Variants in CFAP96 observed in about 807,000 individuals in gnomAD.
The protein encoded by CFAP96 is cilia and flagella associated protein 96.
At chr4:185,417,542 T>G in the CFAP96 span, among the ~76,000 whole-genome samples, 5 of 152,192 alleles carry the variant, frequency 3.3e-5, no homozygotes, top group African/African-American at 1.2e-4. Context: ...TTTCCATAGC[T>G]AGTGGTTTAG....
the CFAP96 span, among the ~76,000 whole-genome samples, chr4:185,433,992 A>T: frequency 6.6e-6 from 1 of 152,108 alleles, no homozygotes; most frequent in African/African-American, 2.4e-5. Flanking sequence ...GCTGAGGCGG[A>T]TGTATTGCTT....
chr4:185,416,990 TA>T, the CFAP96 span, among the ~76,000 whole-genome samples: 1 of 152,182 alleles, frequency 6.6e-6, no homozygotes, highest in South Asian at 2.1e-4. Flanking sequence ...TGATGAGGAC[TA>T]AAGTAAGATA....
the CFAP96 span, chr4:185,415,158 C>T: frequency 6.3e-7 from 1 of 1,586,306 alleles, no homozygotes. Flanking sequence ...GTTTTACCTT[C>T]CTATAGGCCT....
the CFAP96 span, among the ~76,000 whole-genome samples, chr4:185,421,991 T>G: frequency 9.2e-5 from 14 of 152,212 alleles, no homozygotes; most frequent in African/African-American, 3.4e-4. Context: ...TCCTCTGATG[T>G]TCTTTATCTC....
the CFAP96 span, among the ~76,000 whole-genome samples, chr4:185,432,632 C>G: frequency 6.6e-6 from 1 of 151,824 alleles, no homozygotes; most frequent in African/African-American, 2.4e-5. Flanking sequence ...GGAGGCCGAG[C>G]TAGGAGGAAT....
At chr4:185,409,847 G>C in the CFAP96 span, among the ~76,000 whole-genome samples, 1 of 152,212 alleles carries the variant, frequency 6.6e-6, no homozygotes, top group African/African-American at 2.4e-5. Context: ...TAATGTGACT[G>C]AGGAGGCAGA....
chr4:185,440,026 CAT>C, the CFAP96 span, among the ~76,000 whole-genome samples: 1 of 146,430 alleles, frequency 6.8e-6, no homozygotes, highest in South Asian at 2.1e-4. Flanking sequence ...CTCATATATA[CAT>C]ATAATTTTTT....
the CFAP96 span, among the ~76,000 whole-genome samples, chr4:185,428,823 G>T: frequency 6.6e-6 from 1 of 151,862 alleles, no homozygotes; most frequent in Admixed American, 6.6e-5. Flanking sequence ...CACTTATTAT[G>T]TTTATTTAAA....
the CFAP96 span, chr4:185,445,021 T>C: frequency 1.3e-6 from 2 of 1,551,502 alleles, no homozygotes; most frequent in Non-Finnish European, 1.7e-6. Flanking sequence ...TGCTGACCCT[T>C]ATGTGGCTAA....
the CFAP96 span, among the ~76,000 whole-genome samples, chr4:185,412,151 A>G: frequency 1.3e-5 from 2 of 152,232 alleles, no homozygotes; most frequent in Non-Finnish European, 2.9e-5. Context: ...TTATATGTAC[A>G]TATCAAATAT....
the CFAP96 span, chr4:185,422,410 T>G: frequency 9.0e-7 from 1 of 1,111,654 alleles, no homozygotes; most frequent in South Asian, 1.4e-5. Context: ...CTCAGTTTCA[T>G]TTGCAAAGTG....
the CFAP96 span, among the ~76,000 whole-genome samples, chr4:185,426,707 A>T: frequency 1.3e-5 from 2 of 152,186 alleles, no homozygotes; most frequent in African/African-American, 2.4e-5. Context: ...TAAGTGAATG[A>T]ATAATTTTGT....
chr4:185,428,719 G>C, the CFAP96 span, among the ~76,000 whole-genome samples: 1 of 152,100 alleles, frequency 6.6e-6, no homozygotes, highest in Non-Finnish European at 1.5e-5. Context: ...CAAATACTCA[G>C]AATTCATTGT....
the CFAP96 span, among the ~76,000 whole-genome samples, chr4:185,417,132 C>CAATAGAGACAGT: frequency 6.6e-6 from 1 of 152,316 alleles, no homozygotes; most frequent in Middle Eastern, 3.4e-3. Flanking sequence ...AGACTGATAA[C>CAATAGAGACAGT]TGTCTCTTTC....
chr4:185,410,673 G>A, the CFAP96 span, among the ~76,000 whole-genome samples: 162 of 145,020 alleles, frequency 1.1e-3, no homozygotes, highest in Non-Finnish European at 1.6e-3. Context: ...TAGGCCGGGC[G>A]CAGTGGCTCA....
chr4:185,424,230 G>A, the CFAP96 span, among the ~76,000 whole-genome samples: 10,311 of 151,970 alleles, frequency 0.068, 538 homozygotes, highest in African/African-American at 0.14. Flanking sequence ...TGCTTGGGCC[G>A]GGGAGGTCAA....
chr4:185,424,638 TATTA>T, the CFAP96 span, among the ~76,000 whole-genome samples: 2 of 152,228 alleles, frequency 1.3e-5, no homozygotes, highest in African/African-American at 4.8e-5. Context: ...CTTAAATAGC[TATTA>T]ATAAGAAATC....
At chr4:185,432,997 G>A in the CFAP96 span, among the ~76,000 whole-genome samples, 1 of 152,102 alleles carries the variant, frequency 6.6e-6, no homozygotes, top group Non-Finnish European at 1.5e-5. Flanking sequence ...TTCAAGTGGA[G>A]GAGGGTTCTG....
the CFAP96 span, among the ~76,000 whole-genome samples, chr4:185,428,814 A>C: frequency 1.3e-5 from 2 of 152,090 alleles, no homozygotes; most frequent in African/African-American, 4.8e-5. Context: ...CCAGTGACAC[A>C]CTTATTATGT....
Sources: gnomAD v4.1 joint callset for allele counts (sites outside exome capture counted in the v4.1 genomes callset) on GRCh38, gnomAD v4.1.1 for gene constraint, MANE v1.5 for transcripts, NCBI Gene and HGNC (gene_info 2026-07-23, HGNC 2026-07-21) for gene names.